CNTNAP5: variants seen among roughly 807,000 people sequenced by gnomAD.
The protein encoded by CNTNAP5 is contactin associated protein family member 5.
Under a neutral mutation model 150.2 loss-of-function variants are expected in CNTNAP5, and 72 were observed. That is an observed-to-expected ratio of 0.48 (90% CI 0.40 to 0.58). The LOEUF is 0.58. Among genes scored for constraint, CNTNAP5 ranks in the 20% least tolerant of loss-of-function variants. The pLI, the probability that CNTNAP5 is intolerant of heterozygous loss-of-function variation, is 0.00. For synonymous variants in CNTNAP5, 672 were observed against 619.8 expected (o/e 1.08, Z -1.25); for missense variants, 1,636 against 1,626.2 (o/e 1.01, Z -0.10).
Position 124,607,050 on chromosome 2 carries a change from C to T in CNTNAP5, c.1757-2751C>T, listed in dbSNP as rs118147848. Among the ~76,000 whole-genome samples, 37 of 152,288 alleles carry T rather than the reference C, an allele frequency of 2.4e-4. 1 individual carries two copies. The highest frequency in any genetic ancestry group is 1.7e-3 in the East Asian group (9 of 5,180). ...GGATTGTGTCTTTGAATCCTTACTA[C>T]AACAGTATGAGGGAGGCTCTTTTTG... On this transcript the variant is annotated intron_variant, in intron 11 of 23. Transcript: ENST00000682447.
At position 124,443,840 on chromosome 2, in the gene CNTNAP5, G is replaced by GTT. The variant is rs1028280116; in HGVS notation, c.734-2912_734-2911insTT. 1.2e-4 allele frequency among the ~76,000 whole-genome samples: 18 copies of GTT among 151,792 alleles called. No individual in the cohort carries two copies. In the East Asian group the frequency reaches 3.1e-3, roughly 26 times the overall value. On this transcript the variant is annotated intron_variant, in intron 5 of 23. Transcript: ENST00000682447. ...TGTGTGTGTGTGTGTGTGTGTGTGT[G>GTT]TGTGTGTGTGTGATGTATAATGACT...
At chr2:124,402,187 T>C (rs1691441357) in intron 3 of CNTNAP5, among the ~76,000 whole-genome samples, 1 of 152,090 alleles carries the variant, frequency 6.6e-6, no homozygotes, top group Non-Finnish European at 1.5e-5. Flanking sequence ...TTCAGGAGAA[T>C]GAATGACAGT....
intron 6 of CNTNAP5, among the ~76,000 whole-genome samples, chr2:124,462,536 A>T (rs1392841125): frequency 1.3e-5 from 2 of 152,246 alleles, no homozygotes; most frequent in Non-Finnish European, 2.9e-5. Flanking sequence ...CTAAAGGAGC[A>T]AATGGTAACA....
rs560871759 is a variant in CNTNAP5 at position 124,295,775 on chromosome 2, A to G, written c.381+53382A>G. On this transcript the variant is annotated intron_variant, in intron 3 of 23. Coordinates refer to ENST00000682447, the MANE Select transcript of CNTNAP5 (RefSeq NM_001367498.1). ...CATGAGTTTTCCAGGAATGAGGTGG[A>G]CAATTCCAGAACTGAGGGTTCCTCC... is the stretch of plus-strand genomic sequence containing the variant. 4.7e-5 allele frequency among the ~76,000 whole-genome samples: 7 copies of G among 149,420 alleles called. No homozygotes were observed. In the South Asian group the frequency reaches 1.5e-3, roughly 32 times the overall value.
At chr2:124,758,634 T>C (rs1337217238) in intron 14 of CNTNAP5, among the ~76,000 whole-genome samples, 3 of 151,830 alleles carry the variant, frequency 2.0e-5, no homozygotes, top group Non-Finnish European at 2.9e-5. Flanking sequence ...CAGAGGAAGA[T>C]GAGATGACAG....
At chr2:124,035,374 C>G (rs72976580) in intron 1 of CNTNAP5, among the ~76,000 whole-genome samples, 32,499 of 150,406 alleles carry the variant, frequency 0.22, 3,738 homozygotes, top group Admixed American at 0.33. Flanking sequence ...CCTCTCGTCT[C>G]TCTTCCCCAT....
intron 1 of CNTNAP5, among the ~76,000 whole-genome samples, chr2:124,152,185 C>T (rs1484087745): frequency 2.0e-5 from 3 of 152,190 alleles, no homozygotes; most frequent in Admixed American, 1.3e-4. Flanking sequence ...AAGGGTAAAA[C>T]AGGGCTTGTC....
chr2:124,524,598 C>A (rs2104887200), intron 9 of CNTNAP5, 146 bp downstream of exon 9: 2 of 736,258 alleles, frequency 2.7e-6, no homozygotes, highest in East Asian at 2.8e-5. Flanking sequence ...ACACACACAC[C>A]CTCAATCTCA....
chr2:124,497,435 G>T (rs533796301), intron 7 of CNTNAP5, among the ~76,000 whole-genome samples: 31 of 152,260 alleles, frequency 2.0e-4, no homozygotes, highest in African/African-American at 6.7e-4. Flanking sequence ...GAAAGAGGAT[G>T]GACTCCTAGC....
chr2:124,151,730 C>T (rs1258133469), intron 1 of CNTNAP5, among the ~76,000 whole-genome samples: 1 of 152,186 alleles, frequency 6.6e-6, no homozygotes, highest in Admixed American at 6.5e-5. Flanking sequence ...ATAATTCACC[C>T]CTGTCTCCCT....
At chr2:124,419,153 A>AAAAAAAAAAAAAAAAAAAAAAAAAAAAAG (rs1553466545) in intron 4 of CNTNAP5, among the ~76,000 whole-genome samples, 1 of 76,404 alleles carries the variant, frequency 1.3e-5, no homozygotes, top group Non-Finnish European at 2.6e-5. Flanking sequence ...AAAAAAAAAA[A>AAAAAAAAAAAAAAAAAAAAAAAAAAAAAG]AAAAAAAAAA....
intron 21 of CNTNAP5, among the ~76,000 whole-genome samples, chr2:124,884,199 C>T (rs531941116): frequency 6.6e-6 from 1 of 151,868 alleles, no homozygotes; most frequent in Non-Finnish European, 1.5e-5. Context: ...GTCCTGTACA[C>T]ATGTATGTCA....
At chr2:124,397,200 C>T (rs996436162) in intron 3 of CNTNAP5, among the ~76,000 whole-genome samples, 7 of 152,142 alleles carry the variant, frequency 4.6e-5, no homozygotes, top group African/African-American at 1.7e-4. Context: ...TGCAGGTTGA[C>T]AATTCTAGAG....
chr2:124,648,873 A>C (rs976812503), intron 13 of CNTNAP5, among the ~76,000 whole-genome samples: 1 of 152,232 alleles, frequency 6.6e-6, no homozygotes, highest in Non-Finnish European at 1.5e-5. Context: ...CTTACATTCC[A>C]GCACTTAGAA....
At chr2:124,237,056 G>C (rs1351637184) in intron 2 of CNTNAP5, among the ~76,000 whole-genome samples, 1 of 152,126 alleles carries the variant, frequency 6.6e-6, no homozygotes, top group Non-Finnish European at 1.5e-5. Flanking sequence ...TTGAACCCAG[G>C]AGGCAGAAGT....
At chr2:124,405,714 G>C (rs1691552654) in intron 3 of CNTNAP5, among the ~76,000 whole-genome samples, 1 of 152,098 alleles carries the variant, frequency 6.6e-6, no homozygotes, top group African/African-American at 2.4e-5. Flanking sequence ...GTACTGATCT[G>C]GTTTCCATCC....
intron 19 of CNTNAP5, among the ~76,000 whole-genome samples, chr2:124,829,715 A>T (rs1223290909): frequency 4.0e-5 from 6 of 151,872 alleles, no homozygotes; most frequent in Non-Finnish European, 5.9e-5. Flanking sequence ...ATTTATGAAA[A>T]AATTTGACCT....
At position 124,576,153 on chromosome 2, in the gene CNTNAP5, T is replaced by C. The variant is rs1166143952; in HGVS notation, c.1756+12830T>C. ...GGATGGCTGTATATATCTATATCTA[T>C]ATCTATATCTATATCTATATATATG... On this transcript the variant is annotated intron_variant, in intron 11 of 23. Coordinates refer to ENST00000682447, the MANE Select transcript of CNTNAP5 (RefSeq NM_001367498.1). Among the ~76,000 whole-genome samples the C allele has an allele frequency of 2.0e-5, 3 of 152,144 alleles. No individual in the cohort carries two copies. In the East Asian group the frequency reaches 5.8e-4, roughly 29 times the overall value.
At position 124,909,824 on chromosome 2, in the gene CNTNAP5, G is replaced by GACATATATAT. The variant is rs1678616098; in HGVS notation, c.3656-1641_3656-1632dup. On this transcript the variant is annotated intron_variant, in intron 22 of 23. Coordinates refer to ENST00000682447, the MANE Select transcript of CNTNAP5 (RefSeq NM_001367498.1). ...TATCACCCCATCGTTATCAATTGGT[G>GACATATATAT]ACATATATATATATATATATATATA... is the stretch of plus-strand genomic sequence containing the variant. Among the ~76,000 whole-genome samples, 13 of 29,208 alleles carry GACATATATAT rather than the reference G, an allele frequency of 4.5e-4. 1 individual carries two copies. Among genetic ancestry groups the GACATATATAT allele is most frequent in the Admixed American group, 3.7e-3 (9 of 2,430 alleles). 19.2% of individuals were successfully genotyped at this position (29,208 alleles called of 152,430 possible).
Sources: allele counts gnomAD v4.1 joint callset (sites outside exome capture counted in the v4.1 genomes callset), GRCh38; gene constraint gnomAD v4.1.1; transcripts MANE v1.5; gene names NCBI Gene and HGNC (gene_info 2026-07-23, HGNC 2026-07-21).